Variants in PHF24 observed in about 807,000 individuals in gnomAD.
PHF24 encodes Galpha inhibitory interacting protein.
In PHF24, 25 loss-of-function variants were observed where a neutral mutation model predicts 42.6. The observed-to-expected ratio is 0.59, with a 90% CI of 0.43 to 0.82. PHF24 has a LOEUF of 0.82. Ranked by LOEUF, PHF24 falls within the 40% of genes least tolerant of loss-of-function variation. The pLI, the probability that PHF24 is intolerant of heterozygous loss-of-function variation, is 0.00. For synonymous variants in PHF24, 185 were observed against 204.8 expected (o/e 0.90, Z 0.83); for missense variants, 470 against 538.1 (o/e 0.87, Z 1.25).
At chr9:34,959,715 T>G (rs1046363698) in intron 1 of PHF24, among the ~76,000 whole-genome samples, 4 of 152,172 alleles carry the variant, frequency 2.6e-5, no homozygotes, top group Non-Finnish European at 5.9e-5. Flanking sequence ...TCATGATGCC[T>G]TGGGGTGGCT....
At chr9:34,764,334 C>T in the PHF24 span, among the ~76,000 whole-genome samples, 1 of 137,278 alleles carries the variant, frequency 7.3e-6, no homozygotes, top group African/African-American at 2.7e-5. Context: ...GTCCTGGACT[C>T]TTTTTGGTTG....
the PHF24 span, among the ~76,000 whole-genome samples, chr9:34,679,208 C>T: frequency 6.6e-6 from 1 of 152,218 alleles, no homozygotes; most frequent in Non-Finnish European, 1.5e-5. Context: ...CCCTTTGACT[C>T]ATCAGATCCA....
chr9:34,869,673 A>G, the PHF24 span, among the ~76,000 whole-genome samples: 1 of 152,168 alleles, frequency 6.6e-6, no homozygotes, highest in Non-Finnish European at 1.5e-5. Flanking sequence ...CACTGCCTGC[A>G]TATATCTTAC....
chr9:34,868,319 T>G, the PHF24 span, among the ~76,000 whole-genome samples: 1 of 152,330 alleles, frequency 6.6e-6, no homozygotes, highest in East Asian at 1.9e-4. Context: ...CTTTGTAACA[T>G]TCATTCAACA....
At chr9:34,683,851 G>C in the PHF24 span, among the ~76,000 whole-genome samples, 1 of 152,188 alleles carries the variant, frequency 6.6e-6, no homozygotes, top group African/African-American at 2.4e-5. Context: ...GGCCAGATCA[G>C]GGTCATCTAA....
At chr9:34,901,481 T>A in the PHF24 span, among the ~76,000 whole-genome samples, 1 of 152,278 alleles carries the variant, frequency 6.6e-6, no homozygotes, top group East Asian at 1.9e-4. Flanking sequence ...AAAAAAATTA[T>A]AAGGAGAAAA....
the PHF24 span, among the ~76,000 whole-genome samples, chr9:34,766,639 G>T: frequency 6.6e-6 from 1 of 152,124 alleles, no homozygotes; most frequent in Non-Finnish European, 1.5e-5. Context: ...TTTGCCTTTG[G>T]TTTGAATTTC....
At chr9:34,939,541 G>A in the PHF24 span, among the ~76,000 whole-genome samples, 2 of 152,172 alleles carry the variant, frequency 1.3e-5, no homozygotes, top group Non-Finnish European at 2.9e-5. Flanking sequence ...TCTCAGGCCA[G>A]AGTTGTCTGT....
At chr9:34,798,186 A>G in the PHF24 span, among the ~76,000 whole-genome samples, 29 of 151,938 alleles carry the variant, frequency 1.9e-4, no homozygotes, top group African/African-American at 7.0e-4. Flanking sequence ...AAAAGAGTCA[A>G]TTTTTCTATC....
At chr9:34,690,223 C>A in the PHF24 span, 3 of 1,614,024 alleles carry the variant, frequency 1.9e-6, no homozygotes. Context: ...ACAGCAGGCA[C>A]CCTGCAGCCA....
At chr9:34,854,457 A>G in the PHF24 span, among the ~76,000 whole-genome samples, 2 of 152,012 alleles carry the variant, frequency 1.3e-5, no homozygotes, top group African/African-American at 4.8e-5. Flanking sequence ...TGTGTCCCAG[A>G]GATTCTGGTA....
intron 7 of PHF24, 139 bp downstream of exon 7, chr9:34,977,780 G>C (rs879579811): frequency 6.2e-6 from 5 of 808,318 alleles, no homozygotes; most frequent in Non-Finnish European, 1.0e-5. Flanking sequence ...GTGCACATTT[G>C]ACCCAAGTCT....
chr9:34,830,572 T>G, the PHF24 span, among the ~76,000 whole-genome samples: 1 of 152,120 alleles, frequency 6.6e-6, no homozygotes. Context: ...ATGATGGCCA[T>G]TATTAAGAGG....
the PHF24 span, among the ~76,000 whole-genome samples, chr9:34,758,352 T>G: frequency 6.6e-6 from 1 of 152,084 alleles, no homozygotes; most frequent in Non-Finnish European, 1.5e-5. The surrounding 1 kb of genome is among the most constrained non-coding windows in gnomAD (Gnocchi z 4.4). Flanking sequence ...GGACAGCTCC[T>G]GCTTGGGGCA....
At chr9:34,793,138 T>C in the PHF24 span, among the ~76,000 whole-genome samples, 2 of 152,078 alleles carry the variant, frequency 1.3e-5, no homozygotes, top group Admixed American at 6.5e-5. Context: ...ATCATGGGTA[T>C]ACTACCATAT....
At chr9:34,922,974 G>T in the PHF24 span, 1 of 1,119,626 alleles carries the variant, frequency 8.9e-7, no homozygotes, top group Non-Finnish European at 1.2e-6. Flanking sequence ...CCTCGCCCCA[G>T]TCTACCTGGG....
the PHF24 span, chr9:34,724,967 T>C: frequency 6.4e-7 from 1 of 1,551,734 alleles, no homozygotes; most frequent in Non-Finnish European, 8.7e-7. Context: ...CAGCTTAGGG[T>C]GTTCAGTGAC....
the PHF24 span, among the ~76,000 whole-genome samples, chr9:34,705,357 T>C: frequency 6.6e-6 from 1 of 152,242 alleles, no homozygotes; most frequent in African/African-American, 2.4e-5. Flanking sequence ...TCTCACTTTT[T>C]AGCCCAGGCT....
intron 1 of PHF24, among the ~76,000 whole-genome samples, chr9:34,960,338 A>G (rs543161734): frequency 6.6e-6 from 1 of 152,298 alleles, no homozygotes; most frequent in East Asian, 1.9e-4. Context: ...AGAGAGACCA[A>G]GCTAGTGGGA....
Sources: gnomAD v4.1 joint callset for allele counts (sites outside exome capture counted in the v4.1 genomes callset) on GRCh38, gnomAD v4.1.1 for gene constraint, Gnocchi (gnomAD v3.1) non-coding constraint, MANE v1.5 for transcripts, NCBI Gene and HGNC (gene_info 2026-07-23, HGNC 2026-07-21) for gene names.